TNNT2: variants seen among roughly 807,000 people sequenced by gnomAD.
TNNT2 encodes troponin T2, cardiac type.
A neutral mutation model predicts 62.4 loss-of-function variants in TNNT2; 34 were observed. That is an observed-to-expected ratio of 0.54 (90% CI 0.41 to 0.72). TNNT2 has a LOEUF of 0.72. Among genes scored for constraint, TNNT2 ranks in the 30% least tolerant of loss-of-function variants. The pLI, the probability that TNNT2 is intolerant of heterozygous loss-of-function variation, is 0.00. For synonymous variants in TNNT2, 123 were observed against 127.2 expected (o/e 0.97, Z 0.22); for missense variants, 275 against 381.9 (o/e 0.72, Z 2.33).
intron 16 of TNNT2, 70 bp downstream of exon 16, chr1:201,359,553 T>C: frequency 6.8e-7 from 1 of 1,469,706 alleles, no homozygotes. Context: ...CAAGGAGGAA[T>C]GGGATAGCTG....
intron 16 of TNNT2, 48 bp from the exon 17 acceptor site, chr1:201,359,303 T>C (rs369012696): frequency 1.6e-4 from 254 of 1,596,136 alleles, no homozygotes; most frequent in Non-Finnish European, 2.1e-4. Flanking sequence ...GGCAGGGTAG[T>C]AGGTCACCAT....
chr1:201,377,103 G>A (rs1454032594), intron 1 of TNNT2, among the ~76,000 whole-genome samples: 2 of 152,194 alleles, frequency 1.3e-5, no homozygotes, highest in African/African-American at 4.8e-5. Context: ...TGAGTTCCTA[G>A]CCTTGAGAAT....
At position 201,365,324 on chromosome 1, in the gene TNNT2, G is replaced by A; in HGVS notation, c.295-17C>T. 2 of 1,603,040 alleles carry A rather than the reference G, an allele frequency of 1.2e-6. No homozygotes were observed. The highest frequency in any genetic ancestry group is 1.7e-6 in the Non-Finnish European group (2 of 1,170,070). ...GTGGATGTCCTGTGGGTGGACCGCTGCGGCTCAGAGGCTGCCACTCCAAAG... is the reference window on the plus strand; with the variant it reads ...GTGGATGTCCTGTGGGTGGACCGCTACGGCTCAGAGGCTGCCACTCCAAAG... On this transcript the variant is annotated splice_polypyrimidine_tract_variant and intron_variant, in intron 9 of 16. Coordinates refer to ENST00000656932, the MANE Select transcript of TNNT2 (RefSeq NM_001276345.2).
intron 14 of TNNT2, 112 bp from the exon 15 acceptor site, chr1:201,361,481 G>T: frequency 1.9e-6 from 2 of 1,049,150 alleles, no homozygotes; most frequent in South Asian, 1.3e-5. Flanking sequence ...CCACCTCCAG[G>T]CCTGCCAAGG....
chr1:201,367,143 C>G, intron 7 of TNNT2: 1 of 576,062 alleles, frequency 1.7e-6, no homozygotes, highest in South Asian at 2.0e-5. Context: ...CTCACCAGTT[C>G]TGGGCAAAGC....
chr1:201,371,336 G>A (rs1235195431), intron 4 of TNNT2, among the ~76,000 whole-genome samples: 1 of 152,202 alleles, frequency 6.6e-6, no homozygotes, highest in Admixed American at 6.5e-5. Flanking sequence ...TGAGGAGGGC[G>A]ATGGGTTAAC....
At position 201,361,378 on chromosome 1, in the gene TNNT2, G is replaced by T. The variant is rs763204242; in HGVS notation, c.720-9C>A. On this transcript the variant is annotated splice_polypyrimidine_tract_variant and intron_variant, in intron 14 of 16. Coordinates refer to ENST00000656932, the MANE Select transcript of TNNT2 (RefSeq NM_001276345.2). ...GCTCCTTGGCCTTCTCCCTGCACGG[G>T]CAAGGGTGAGAATGGGGAGGTCCAG... 12 of 1,612,706 alleles carry T rather than the reference G, an allele frequency of 7.4e-6. No individual in the cohort carries two copies. In the Admixed American group the frequency reaches 1.7e-4, roughly 22 times the overall value.
rs144207877 is a variant in TNNT2 at position 201,371,332 on chromosome 1, G to C, written c.67+695C>G. Among the ~76,000 whole-genome samples, 804 of 152,340 alleles carry C rather than the reference G, an allele frequency of 5.3e-3. 7 individuals are homozygous for C. Among genetic ancestry groups the C allele is most frequent in the African/African-American group, 0.019 (783 of 41,570 alleles). ...GAGATGTGGGACCCACAGCTGAGGA[G>C]GGCGATGGGTTAACCGATCAGCATA... On this transcript the variant is annotated intron_variant, in intron 4 of 16. Coordinates refer to ENST00000656932, the MANE Select transcript of TNNT2 (RefSeq NM_001276345.2).
At chr1:201,361,171 T>C in intron 15 of TNNT2, 108 bp downstream of exon 15, 1 of 1,060,346 alleles carries the variant, frequency 9.4e-7, no homozygotes, top group East Asian at 2.4e-5. Flanking sequence ...AGGGGGCTGT[T>C]GGGGAATAGG....
intron 7 of TNNT2, chr1:201,367,208 G>A (rs1327626597): frequency 6.6e-6 from 3 of 454,298 alleles, no homozygotes; most frequent in South Asian, 4.2e-5. Context: ...GGTCCCCAAG[G>A]GTCCTGGCCC....
chr1:201,365,135 G>T, intron 10 of TNNT2, 56 bp downstream of exon 10: 25 of 1,452,640 alleles, frequency 1.7e-5, no homozygotes, highest in Non-Finnish European at 2.3e-5. Flanking sequence ...TCACAAAAGG[G>T]ATGGAGGACA....
At chr1:201,360,995 C>T in intron 15 of TNNT2, 1 of 479,366 alleles carries the variant, frequency 2.1e-6, no homozygotes, top group Non-Finnish European at 3.8e-6. Flanking sequence ...GCTCAGATCA[C>T]TGAGCTGCTG....
At chr1:201,366,612 C>A in intron 8 of TNNT2, 1 of 1,440,374 alleles carries the variant, frequency 6.9e-7, no homozygotes, top group Non-Finnish European at 9.1e-7. Flanking sequence ...CCCATCCCTG[C>A]TAGGGTGCAC....
chr1:201,368,868 G>A (rs1660144494), intron 5 of TNNT2, among the ~76,000 whole-genome samples: 1 of 152,124 alleles, frequency 6.6e-6, no homozygotes, highest in African/African-American at 2.4e-5. Flanking sequence ...CTTGGCAGAG[G>A]GAGAAGAAAA....
intron 15 of TNNT2, 46 bp downstream of exon 15, chr1:201,361,233 G>A: frequency 6.4e-7 from 1 of 1,574,688 alleles, no homozygotes; most frequent in East Asian, 2.2e-5. Context: ...TGAACCAGGA[G>A]GAGTGTGAGA....
At chr1:201,373,915 G>A in intron 1 of TNNT2, 1 of 160,152 alleles carries the variant, frequency 6.2e-6, no homozygotes, top group Admixed American at 5.8e-5. Flanking sequence ...AAAGGTCTTT[G>A]GGCACCCCAA....
rs886038366 is a variant in TNNT2, at chr1:201,372,184, G to A, written c.42-29C>T. 3.9e-5 allele frequency: 63 copies of A among 1,613,894 alleles called. No homozygotes were observed. The highest frequency in any genetic ancestry group is 5.1e-5 in the Non-Finnish European group (60 of 1,180,038). ...AGAGCAACAGGAAACACTGTCAGTA[G>A]CTCGCACACAAGCACATGCAAACAC... On this transcript the variant is annotated intron_variant, in intron 2 of 16. Coordinates refer to ENST00000656932, the MANE Select transcript of TNNT2 (RefSeq NM_001276345.2).
chr1:201,365,775 C>T, intron 8 of TNNT2, 105 bp from the exon 9 acceptor site: 1 of 1,556,160 alleles, frequency 6.4e-7, no homozygotes, highest in South Asian at 1.2e-5. Context: ...TCTTCCAGCA[C>T]TGCCCCGACC....
intron 8 of TNNT2, chr1:201,366,222 T>C (rs1659624603): frequency 6.9e-6 from 7 of 1,017,714 alleles, no homozygotes; most frequent in Non-Finnish European, 7.1e-6. Context: ...ACTGGGCAAA[T>C]AAATGGATCT....
Sources: gnomAD v4.1 joint callset for allele counts (sites outside exome capture counted in the v4.1 genomes callset) on GRCh38, gnomAD v4.1.1 for gene constraint, MANE v1.5 for transcripts, NCBI Gene and HGNC (gene_info 2026-07-23, HGNC 2026-07-21) for gene names.